BCKDHB: variants seen among roughly 807,000 people sequenced by gnomAD.
The protein encoded by BCKDHB is branched chain keto acid dehydrogenase E1 subunit beta, also known as 2-oxoisovalerate dehydrogenase subunit beta, mitochondrial.
Under a neutral mutation model 48.5 loss-of-function variants are expected in BCKDHB, and 41 were observed. The ratio of observed to expected loss-of-function variants is 0.85; its 90% CI spans 0.66 to 1.10. The LOEUF is 1.10. Among genes scored for constraint, BCKDHB ranks in the 50% least tolerant of loss-of-function variants. BCKDHB has a pLI of 0.00. For synonymous variants in BCKDHB, 201 were observed against 174.8 expected, an observed-to-expected ratio of 1.15 and a Z score of -1.18; for missense variants, 496 against 494.2, an observed-to-expected ratio of 1.00 and a Z score of -0.03.
chr6:80,316,844 C>T (rs1431706184), intron 9 of BCKDHB, among the ~76,000 whole-genome samples: 1 of 152,182 alleles, frequency 6.6e-6, no homozygotes, highest in Non-Finnish European at 1.5e-5. Flanking sequence ...AGGGCAGAAG[C>T]TATTTAGAAG....
At chr6:80,195,290 G>A (rs1774080664) in intron 6 of BCKDHB, among the ~76,000 whole-genome samples, 1 of 151,998 alleles carries the variant, frequency 6.6e-6, no homozygotes, top group African/African-American at 2.4e-5. Flanking sequence ...GGAAAAGATT[G>A]GGTACAACTG....
the BCKDHB span, among the ~76,000 whole-genome samples, chr6:80,435,928 G>C: frequency 6.6e-6 from 1 of 152,260 alleles, no homozygotes; most frequent in Non-Finnish European, 1.5e-5. Flanking sequence ...AGCTGCTCAG[G>C]AGGCTGAGGT....
At chr6:80,446,014 T>C in the BCKDHB span, among the ~76,000 whole-genome samples, 4 of 152,278 alleles carry the variant, frequency 2.6e-5, no homozygotes, top group Non-Finnish European at 5.9e-5. Flanking sequence ...ACAATACAGC[T>C]GATGTGTAAG....
At chr6:80,227,887 AAG>A (rs2127878422) in intron 8 of BCKDHB, among the ~76,000 whole-genome samples, 1 of 152,342 alleles carries the variant, frequency 6.6e-6, no homozygotes, top group South Asian at 2.1e-4. Flanking sequence ...GAGCCATAGA[AAG>A]AACCCACTGT....
In BCKDHB at chr6:80,230,168, A is replaced by G. The variant is rs920962547; in HGVS notation, c.951+26956A>G. On this transcript the variant is annotated intron_variant, in intron 8 of 9. Transcript: ENST00000320393. ...ATTCTCCTGCCTCAGCCTCCCGAGT[A>G]GCTGGGATTACAGGCGCCCACCACC... is the stretch of plus-strand genomic sequence containing the variant. Among the ~76,000 whole-genome samples, 6 of 147,500 alleles carry G rather than the reference A, an allele frequency of 4.1e-5. No homozygotes were observed. In the Admixed American group the frequency reaches 4.1e-4, roughly 10 times the overall value.
At chr6:80,380,691 A>G in the BCKDHB span, among the ~76,000 whole-genome samples, 1 of 152,028 alleles carries the variant, frequency 6.6e-6, no homozygotes, top group African/African-American at 2.4e-5. Flanking sequence ...TCCTCTGACA[A>G]AGGACTTATA....
chr6:80,140,995 C>G (rs968675987), intron 3 of BCKDHB, among the ~76,000 whole-genome samples: 2 of 152,126 alleles, frequency 1.3e-5, no homozygotes, highest in Non-Finnish European at 2.9e-5. Context: ...TGTTATTGGT[C>G]TATTCAGAGA....
chr6:80,191,676 A>G (rs1210493014), intron 6 of BCKDHB, among the ~76,000 whole-genome samples: 3 of 152,172 alleles, frequency 2.0e-5, no homozygotes, highest in Admixed American at 6.5e-5. Flanking sequence ...TATAAAAATC[A>G]TAATACAGCT....
At chr6:80,403,361 GTTTTC>G in the BCKDHB span, among the ~76,000 whole-genome samples, 1 of 151,662 alleles carries the variant, frequency 6.6e-6, no homozygotes, top group Non-Finnish European at 1.5e-5. Flanking sequence ...GTAAAAAATT[GTTTTC>G]TTAATTTCTT....
intron 9 of BCKDHB, among the ~76,000 whole-genome samples, chr6:80,337,572 T>A (rs1017642212): frequency 6.6e-6 from 1 of 151,802 alleles, no homozygotes; most frequent in African/African-American, 2.4e-5. Context: ...TCGCTATATG[T>A]TCTGTTCAAT....
chr6:80,204,761 G>A (rs1354759605), intron 8 of BCKDHB, among the ~76,000 whole-genome samples: 2 of 152,040 alleles, frequency 1.3e-5, no homozygotes, highest in Non-Finnish European at 2.9e-5. Context: ...TTTGGCAACC[G>A]TGGAAGCAAA....
chr6:80,151,415 C>T (rs567583242), intron 3 of BCKDHB, among the ~76,000 whole-genome samples: 1 of 148,610 alleles, frequency 6.7e-6, no homozygotes, highest in East Asian at 2.0e-4. Context: ...ATTTTTAAAA[C>T]TAACTTTTTT....
chr6:80,205,248 G>A (rs977375993), intron 8 of BCKDHB, among the ~76,000 whole-genome samples: 1 of 151,820 alleles, frequency 6.6e-6, no homozygotes, highest in South Asian at 2.1e-4. Flanking sequence ...TTTTCCCCCA[G>A]AGTGAAGCTT....
chr6:80,376,338 A>G, the BCKDHB span, among the ~76,000 whole-genome samples: 1 of 152,122 alleles, frequency 6.6e-6, no homozygotes, highest in Non-Finnish European at 1.5e-5. Context: ...CCCATACCCC[A>G]AAAGGCTGGT....
chr6:80,265,198 C>G (rs939253943), intron 8 of BCKDHB, among the ~76,000 whole-genome samples: 4 of 152,008 alleles, frequency 2.6e-5, no homozygotes, highest in Admixed American at 2.0e-4. Flanking sequence ...AATTCCACTT[C>G]TGGGTATATA....
At chr6:80,423,945 G>T in the BCKDHB span, among the ~76,000 whole-genome samples, 1 of 152,166 alleles carries the variant, frequency 6.6e-6, no homozygotes, top group Non-Finnish European at 1.5e-5. Context: ...ATCTTTAAAT[G>T]GTAGGGAGAG....
In BCKDHB at chr6:80,343,733, AT is replaced by A. The variant is rs762363299; in HGVS notation, c.1113del (p.Phe371LeufsTer19). The A allele has an allele frequency of 1.9e-6, 3 of 1,613,866 alleles. No individual in the cohort carries two copies. Among genetic ancestry groups the A allele is most frequent in the African/African-American group, 2.7e-5 (2 of 74,898 alleles). Reference protein sequence around the residue: ...VCGYDTPFPHIFEPFYIPDKW... With the variant: ...VCGYDTPFPHXFEPFYIPDKW... ...TGGTTATGACACACCATTTCCTCAC[AT>A]TTTTGAACCATTCTACATCCCAGAC... On this transcript the variant is annotated frameshift_variant, in exon 10 of 10. Transcript: ENST00000320393. LOFTEE classifies it high-confidence loss of function.
the BCKDHB span, among the ~76,000 whole-genome samples, chr6:80,370,244 T>C: frequency 6.6e-6 from 1 of 152,122 alleles, no homozygotes; most frequent in African/African-American, 2.4e-5. Context: ...ACCAGATCTC[T>C]ATGTGGAGGA....
chr6:80,216,102 CAT>C (rs2127850172), intron 8 of BCKDHB, among the ~76,000 whole-genome samples: 1 of 152,272 alleles, frequency 6.6e-6, no homozygotes, highest in East Asian at 1.9e-4. Context: ...GTTAAAACTA[CAT>C]ATGTTATGCA....
Sources: allele counts gnomAD v4.1 joint callset (sites outside exome capture counted in the v4.1 genomes callset), GRCh38; gene constraint gnomAD v4.1.1; transcripts MANE v1.5; gene names NCBI Gene and HGNC (gene_info 2026-07-23, HGNC 2026-07-21).